KCNH1: variants seen among roughly 807,000 people sequenced by gnomAD.
The protein encoded by KCNH1 is voltage-gated delayed rectifier potassium channel KCNH1.
A neutral mutation model predicts 69.2 loss-of-function variants in KCNH1; 27 were observed. The observed-to-expected ratio is 0.39, with a 90% confidence interval of 0.29 to 0.54. The LOEUF is 0.54. Ranked by LOEUF, KCNH1 falls within the 20% of genes least tolerant of loss-of-function variation. The pLI, the probability that KCNH1 is intolerant of heterozygous loss-of-function variation, is 0.68. For missense variants in KCNH1, 798 were observed against 1,261.6 expected, an observed-to-expected ratio of 0.63 and a Z score of 5.57; for synonymous variants, 456 against 487.7, an observed-to-expected ratio of 0.93 and a Z score of 0.86.
intron 7 of KCNH1, among the ~76,000 whole-genome samples, chr1:210,917,791 G>GT (rs956053372): frequency 6.6e-6 from 1 of 152,200 alleles, no homozygotes; most frequent in African/African-American, 2.4e-5. Flanking sequence ...CAAAAATGCT[G>GT]TAAGTAAGCA....
At chr1:210,744,665 CA>C (rs997251424) in intron 10 of KCNH1, among the ~76,000 whole-genome samples, 7 of 151,548 alleles carry the variant, frequency 4.6e-5, no homozygotes, top group African/African-American at 7.3e-5. Flanking sequence ...CAAAACAAAA[CA>C]AAAAAAACCC....
rs72751436 is a variant in KCNH1, at chr1:210,683,919, C to T, written c.2332G>A (p.Ala778Thr). The change falls in exon 11 of 11, where the codon GCC becomes ACC. Residue 778 changes from alanine to threonine, a missense_variant. This residue lies in a region of KCNH1 where 331 missense variants were observed against 363.2 expected (regional missense o/e 0.91). Coordinates refer to ENST00000271751, the MANE Select transcript of KCNH1 (RefSeq NM_172362.3). The surrounding 1 kb of genome is among the most constrained non-coding windows in gnomAD (Gnocchi z 5.7). ...KGNVLTEHAS[A>T]NHSLVKASVV... ...CTGGCCTTCACGAGGCTGTGGTTGGCGGAGGCATGCTCTGTAAGGACATTG... is the reference window on the plus strand; with the variant it reads ...CTGGCCTTCACGAGGCTGTGGTTGGTGGAGGCATGCTCTGTAAGGACATTG... The T allele has an allele frequency of 1.7e-4, 276 of 1,612,650 alleles. No homozygotes were observed. Among genetic ancestry groups the T allele is most frequent in the Admixed American group, 4.8e-4 (29 of 59,984 alleles).
At chr1:211,022,415 G>C (rs1689601827) in intron 5 of KCNH1, among the ~76,000 whole-genome samples, 1 of 152,112 alleles carries the variant, frequency 6.6e-6, no homozygotes, top group Admixed American at 6.5e-5. Context: ...GTTGGACTGG[G>C]CAAAGATTTT....
At chr1:211,120,713 C>A (rs1691669748) in intron 1 of KCNH1, among the ~76,000 whole-genome samples, 1 of 151,978 alleles carries the variant, frequency 6.6e-6, no homozygotes, top group Non-Finnish European at 1.5e-5. Context: ...TTACATTTGT[C>A]TACTGTGTTA....
At chr1:211,037,168 T>G (rs974219566) in intron 5 of KCNH1, among the ~76,000 whole-genome samples, 1 of 152,104 alleles carries the variant, frequency 6.6e-6, no homozygotes, top group Non-Finnish European at 1.5e-5. Context: ...GTTCTACAGA[T>G]GGGAAAATGG....
At chr1:210,904,956 C>T (rs1687072856) in intron 7 of KCNH1, among the ~76,000 whole-genome samples, 1 of 152,076 alleles carries the variant, frequency 6.6e-6, no homozygotes, top group African/African-American at 2.4e-5. Context: ...AGGGGGAGAA[C>T]AAGAGACCAC....
rs1691626194 is a variant in KCNH1 at position 211,118,486 on chromosome 1, G to A, written c.80-11109C>T. On this transcript the variant is annotated intron_variant, in intron 1 of 10. Transcript: ENST00000271751. Reference sequence around the variant, plus strand: ...TAGCCAGATTCTACTGCCGCCTTCTGATGCTTTTTTACCCCCTAAGGGTCT... The same window carrying A: ...TAGCCAGATTCTACTGCCGCCTTCTAATGCTTTTTTACCCCCTAAGGGTCT... Among the ~76,000 whole-genome samples the A allele has an allele frequency of 2.0e-5, 3 of 152,208 alleles. No homozygotes were observed. The South Asian group carries it at 6.2e-4, about 32-fold the overall frequency.
At chr1:211,032,936 C>CTCTTT (rs1383127471) in intron 5 of KCNH1, among the ~76,000 whole-genome samples, 24 of 152,184 alleles carry the variant, frequency 1.6e-4, no homozygotes, top group Admixed American at 6.5e-5. Flanking sequence ...TAAAGAGCTT[C>CTCTTT]TGCACAGCAA....
chr1:210,910,939 C>T (rs1455907803), intron 7 of KCNH1, among the ~76,000 whole-genome samples: 1 of 152,224 alleles, frequency 6.6e-6, no homozygotes, highest in Non-Finnish European at 1.5e-5. Flanking sequence ...TCACCATCTT[C>T]CTAGAAATCT....
At chr1:210,806,855 A>ATATATATATAT (rs1553346606) in intron 7 of KCNH1, among the ~76,000 whole-genome samples, 10 of 127,358 alleles carry the variant, frequency 7.9e-5, no homozygotes, top group Admixed American at 2.4e-4. Context: ...ATATATATAT[A>ATATATATATAT]AATTTGCCGG....
At chr1:211,026,713 C>A (rs951991779) in intron 5 of KCNH1, among the ~76,000 whole-genome samples, 3 of 152,212 alleles carry the variant, frequency 2.0e-5, no homozygotes, top group African/African-American at 7.2e-5. Flanking sequence ...GTGCCCCTTT[C>A]CCTCCTCAAT....
At chr1:210,971,234 T>C (rs1688506626) in intron 6 of KCNH1, among the ~76,000 whole-genome samples, 1 of 152,116 alleles carries the variant, frequency 6.6e-6, no homozygotes, top group South Asian at 2.1e-4. Flanking sequence ...ATTATACGCA[T>C]GAGCCACCAC....
At chr1:210,775,787 T>G (rs1683847566) in intron 9 of KCNH1, among the ~76,000 whole-genome samples, 5 of 152,192 alleles carry the variant, frequency 3.3e-5, no homozygotes, top group Admixed American at 3.3e-4. Context: ...TTATGTCACC[T>G]CCTCAAAGGG....
chr1:211,103,510 A>G lies in KCNH1; in HGVS notation c.296T>C (p.Met99Thr), dbSNP rs754081073. The G allele has an allele frequency of 6.2e-7, 1 of 1,608,454 alleles. No individual in the cohort carries two copies. The highest frequency in any genetic ancestry group is 8.5e-7 in the Non-Finnish European group (1 of 1,175,478). Residue 99 changes from methionine to threonine, a missense_variant, in exon 3 of 11, where the codon ATG becomes ACG. Physicochemically the swap from Met to Thr is moderately conservative, Grantham distance 81. This residue lies in a region of KCNH1 where 266 missense variants were observed against 457.2 expected (regional missense o/e 0.58). Transcript: ENST00000271751. ...NYEMNSFEIL[M>T]YKKNRTPVWF... ...TCAATACTCACTGTTCTTCTTGTAC[A>G]TCAGAATTTCAAAGGAATTCATCTC...
intron 7 of KCNH1, among the ~76,000 whole-genome samples, chr1:210,855,115 A>G (rs903007563): frequency 1.3e-5 from 2 of 152,194 alleles, no homozygotes; most frequent in Non-Finnish European, 2.9e-5. Context: ...GTCTCCTCCC[A>G]AGAGCATCAG....
chr1:211,132,576 CTT>C (rs1314623726), intron 1 of KCNH1: 1 of 152,168 alleles, frequency 6.6e-6, no homozygotes, highest in Admixed American at 6.5e-5. Flanking sequence ...ATAAGATAAA[CTT>C]AAATCACTGT....
intron 1 of KCNH1, among the ~76,000 whole-genome samples, chr1:211,114,469 T>C (rs2102492321): frequency 6.6e-6 from 1 of 152,328 alleles, no homozygotes; most frequent in East Asian, 1.9e-4. Context: ...GAAATAAGCC[T>C]ATGTATGTCT....
At chr1:210,969,358 T>C (rs951643761) in intron 6 of KCNH1, among the ~76,000 whole-genome samples, 2 of 152,104 alleles carry the variant, frequency 1.3e-5, no homozygotes, top group Non-Finnish European at 2.9e-5. Context: ...TAAAACTTTA[T>C]ATAAGACTAG....
At chr1:210,757,895 C>G (rs1384759161) in intron 10 of KCNH1, among the ~76,000 whole-genome samples, 1 of 152,240 alleles carries the variant, frequency 6.6e-6, no homozygotes, top group East Asian at 1.9e-4. Flanking sequence ...AGGCCTGCTG[C>G]TCTAATGGAA....
Sources: allele counts gnomAD v4.1 joint callset (sites outside exome capture counted in the v4.1 genomes callset), GRCh38; gene constraint gnomAD v4.1.1; regional missense constraint gnomAD v4.1.1; non-coding constraint Gnocchi (gnomAD v3.1); transcripts MANE v1.5; gene names NCBI Gene and HGNC (gene_info 2026-07-23, HGNC 2026-07-21).